The following STARD3NL variants were observed in gnomAD, a reference collection of about 807,000 sequenced individuals.
STARD3NL encodes the protein STARD3 N-terminal like, also known as STARD3 N-terminal-like protein.
STARD3NL carries 17 observed loss-of-function variants against 30.9 expected under a neutral mutation model. The observed-to-expected ratio is 0.55, with a 90% confidence interval of 0.38 to 0.82. STARD3NL has a LOEUF of 0.82. STARD3NL is among the 40% of genes least tolerant of loss of function. The pLI is 0.00. For missense variants in STARD3NL, 234 were observed against 277.6 expected, an observed-to-expected ratio of 0.84 and a Z score of 1.12; for synonymous variants, 112 against 100.5, an observed-to-expected ratio of 1.11 and a Z score of -0.69.
At chr7:38,181,169 A>G (rs1201751168) in intron 1 of STARD3NL, among the ~76,000 whole-genome samples, 1 of 152,220 alleles carries the variant, frequency 6.6e-6, no homozygotes, top group African/African-American at 2.4e-5. Flanking sequence ...TGTGGTTTAA[A>G]AATGACTTTT....
chr7:38,215,761 G>A (rs539033135), intron 4 of STARD3NL: 50 of 152,422 alleles, frequency 3.3e-4, no homozygotes, highest in African/African-American at 1.2e-3. Flanking sequence ...AGAAAATGTG[G>A]AGCTCCTCAG....
At chr7:38,217,121 A>G in intron 5 of STARD3NL, 43 bp downstream of exon 5, 2 of 1,613,784 alleles carry the variant, frequency 1.2e-6, no homozygotes, top group South Asian at 1.1e-5. Context: ...ATCTTCAGTG[A>G]TGAAGCCTCG....
chr7:38,198,586 A>G (rs1785031269), intron 1 of STARD3NL, among the ~76,000 whole-genome samples: 3 of 152,226 alleles, frequency 2.0e-5, no homozygotes, highest in Admixed American at 6.5e-5. Context: ...TTTAATGTCT[A>G]TTATTCCAAC....
chr7:38,184,049 A>G (rs1348473539), intron 1 of STARD3NL, among the ~76,000 whole-genome samples: 1 of 152,200 alleles, frequency 6.6e-6, no homozygotes, highest in East Asian at 1.9e-4. Flanking sequence ...AATGTTCTCT[A>G]GGAGTTTTCA....
At chr7:38,219,764 C>T in intron 7 of STARD3NL, 104 bp downstream of exon 7, 1 of 902,362 alleles carries the variant, frequency 1.1e-6, no homozygotes, top group Non-Finnish European at 1.8e-6. Context: ...TAGCTAACAT[C>T]TAACATGCCA....
intron 1 of STARD3NL, among the ~76,000 whole-genome samples, chr7:38,198,857 G>C (rs935383067): frequency 6.6e-6 from 1 of 152,146 alleles, no homozygotes; most frequent in African/African-American, 2.4e-5. Context: ...GTTTTGACCC[G>C]GCTCTGTACC....
At chr7:38,187,846 A>C (rs912691255) in intron 1 of STARD3NL, among the ~76,000 whole-genome samples, 1 of 152,098 alleles carries the variant, frequency 6.6e-6, no homozygotes, top group Non-Finnish European at 1.5e-5. Flanking sequence ...TCCCGCTTTC[A>C]CTAAATAGCA....
At chr7:38,196,879 A>G (rs1784921346) in intron 1 of STARD3NL, among the ~76,000 whole-genome samples, 1 of 152,184 alleles carries the variant, frequency 6.6e-6, no homozygotes, top group South Asian at 2.1e-4. Flanking sequence ...TTTTCTGGAC[A>G]TTGTATTTAA....
intron 1 of STARD3NL, among the ~76,000 whole-genome samples, chr7:38,204,813 G>A (rs1428436086): frequency 3.3e-5 from 5 of 151,670 alleles, no homozygotes; most frequent in Non-Finnish European, 7.4e-5. Flanking sequence ...TATCACCACC[G>A]ATCCCACAGA....
chr7:38,193,730 G>C (rs547478241), intron 1 of STARD3NL, among the ~76,000 whole-genome samples: 1 of 152,296 alleles, frequency 6.6e-6, no homozygotes, highest in East Asian at 1.9e-4. Context: ...TCAGCATTGT[G>C]CCTGACACAG....
chr7:38,212,408 G>A (rs1343562218), intron 2 of STARD3NL, among the ~76,000 whole-genome samples: 3 of 152,052 alleles, frequency 2.0e-5, no homozygotes, highest in African/African-American at 7.2e-5. Context: ...TATTTTGCTA[G>A]TATCAGTTTA....
At chr7:38,201,563 T>G (rs1785176424) in intron 1 of STARD3NL, among the ~76,000 whole-genome samples, 1 of 152,238 alleles carries the variant, frequency 6.6e-6, no homozygotes, top group Non-Finnish European at 1.5e-5. Context: ...TTTAATAATT[T>G]AAATTAATTT....
In STARD3NL at chr7:38,215,122, T is replaced by G. The variant is rs1283831957; in HGVS notation, c.381+17T>G. 3 of 1,612,750 alleles carry G rather than the reference T, an allele frequency of 1.9e-6. No individual in the cohort carries two copies. Among genetic ancestry groups the G allele is most frequent in the Admixed American group, 1.7e-5 (1 of 59,960 alleles). ...GCAATAGCGGTGAGTATGCCCTGCA[T>G]GAGTGGGTCATCTCCTCCAGTGCTG... On this transcript the variant is annotated intron_variant, in intron 4 of 8. Transcript: ENST00000009041.
intron 1 of STARD3NL, among the ~76,000 whole-genome samples, chr7:38,202,528 G>A (rs1306368210): frequency 6.6e-6 from 1 of 151,416 alleles, no homozygotes; most frequent in Non-Finnish European, 1.5e-5. Context: ...GAGAATCATT[G>A]GTAATATCTG....
intron 1 of STARD3NL, among the ~76,000 whole-genome samples, chr7:38,190,404 A>G (rs1037959432): frequency 6.6e-6 from 1 of 152,186 alleles, no homozygotes; most frequent in Admixed American, 6.5e-5. Context: ...CATATGCTAC[A>G]TGTGTGTATG....
At chr7:38,210,630 A>G (rs1463316940) in intron 2 of STARD3NL, among the ~76,000 whole-genome samples, 1 of 152,092 alleles carries the variant, frequency 6.6e-6, no homozygotes, top group Non-Finnish European at 1.5e-5. Context: ...TGATTTCCCA[A>G]GTTGGATCTG....
At chr7:38,218,824 T>G (rs1445865889) in intron 6 of STARD3NL, among the ~76,000 whole-genome samples, 1 of 152,158 alleles carries the variant, frequency 6.6e-6, no homozygotes, top group Non-Finnish European at 1.5e-5. Context: ...TTTAAGACAC[T>G]TTTTTTCTTT....
At chr7:38,186,776 G>A (rs1784476732) in intron 1 of STARD3NL, among the ~76,000 whole-genome samples, 1 of 152,160 alleles carries the variant, frequency 6.6e-6, no homozygotes, top group Non-Finnish European at 1.5e-5. Context: ...AGTTAACACT[G>A]TGATAATGAG....
intron 7 of STARD3NL, among the ~76,000 whole-genome samples, chr7:38,222,176 CACACACACAG>C (rs751557101): frequency 2.3e-5 from 3 of 130,708 alleles, no homozygotes; most frequent in Non-Finnish European, 4.9e-5. Context: ...CACACACACA[CACACACACAG>C]AGTGGTAAAA....
Sources: gnomAD v4.1 joint callset for allele counts (sites outside exome capture counted in the v4.1 genomes callset) on GRCh38, gnomAD v4.1.1 for gene constraint, MANE v1.5 for transcripts, NCBI Gene and HGNC (gene_info 2026-07-23, HGNC 2026-07-21) for gene names.